RXFP2: variants seen among roughly 807,000 people sequenced by gnomAD.
RXFP2 encodes relaxin family peptide receptor 2.
RXFP2 carries 68 observed loss-of-function variants against 88.6 expected under a neutral mutation model. The ratio of observed to expected loss-of-function variants is 0.77; its 90% CI spans 0.63 to 0.94. The LOEUF (loss-of-function observed/expected upper bound fraction) is 0.94, where lower values mean the gene tolerates loss of function less well. RXFP2 is among the 40% of genes least tolerant of loss of function. The probability of loss-of-function intolerance (pLI) is 0.00; values close to 1 mark genes in which losing one functional copy is unlikely to be tolerated. For missense variants in RXFP2, 791 were observed against 893.9 expected (o/e 0.88, Z 1.47); for synonymous variants, 329 against 306.8 (o/e 1.07, Z -0.76).
intron 11 of RXFP2, among the ~76,000 whole-genome samples, chr13:31,785,717 C>A (rs1487603222): frequency 1.3e-5 from 2 of 152,042 alleles, no homozygotes; most frequent in Non-Finnish European, 2.9e-5. Context: ...AACATCTTCT[C>A]TGGCTCAGAA....
At chr13:31,743,446 C>T (rs906787256) in intron 1 of RXFP2, among the ~76,000 whole-genome samples, 5 of 150,116 alleles carry the variant, frequency 3.3e-5, no homozygotes, top group African/African-American at 4.9e-5. Context: ...CCAGCCTGGG[C>T]GACAGAGCGA....
chr13:31,764,272 C>CAA (rs1294571772), intron 3 of RXFP2, among the ~76,000 whole-genome samples: 1 of 150,656 alleles, frequency 6.6e-6, no homozygotes, highest in Non-Finnish European at 1.5e-5. Flanking sequence ...CACACACACA[C>CAA]ACACACACAC....
At chr13:31,796,666 T>C (rs181605385) in intron 16 of RXFP2, among the ~76,000 whole-genome samples, 1 of 152,346 alleles carries the variant, frequency 6.6e-6, no homozygotes, top group Admixed American at 6.5e-5. Flanking sequence ...TTTCATCTGG[T>C]GAACCCAATT....
chr13:31,760,149 C>CGT (rs1872236535), intron 2 of RXFP2, among the ~76,000 whole-genome samples: 1 of 152,068 alleles, frequency 6.6e-6, no homozygotes, highest in African/African-American at 2.4e-5. Context: ...AGTTCAATGG[C>CGT]GTGATCTCAG....
At chr13:31,782,566 A>C in intron 10 of RXFP2, 110 bp from the exon 11 acceptor site, 1 of 807,392 alleles carries the variant, frequency 1.2e-6, no homozygotes, top group Admixed American at 1.8e-5. Flanking sequence ...TCCCTTGAAG[A>C]CTTCAAAGGA....
At chr13:31,789,030 T>C (rs1873675384) in intron 13 of RXFP2, 92 bp from the exon 14 acceptor site, 1 of 822,736 alleles carries the variant, frequency 1.2e-6, no homozygotes, top group African/African-American at 1.7e-5. Flanking sequence ...TAACATAAGA[T>C]CTTGAAGCAT....
In RXFP2 at chr13:31,786,724, C is replaced by G. The variant is rs937014118; in HGVS notation, c.1073+87C>G. On this transcript the variant is annotated intron_variant, in intron 13 of 17. Coordinates refer to ENST00000298386, the MANE Select transcript of RXFP2 (RefSeq NM_130806.5). The stretch of plus-strand genomic sequence containing the variant: ...TATTTTTAAATGGGTATTTTGCACA[C>G]AGGAGCATGCATTTCAGACAACTGT... The G allele has an allele frequency of 5.0e-6, 4 of 800,232 alleles. No homozygotes were observed. The Admixed American group carries it at 6.0e-5, about 12-fold the overall frequency. The allele number at this position is 800,232 out of a possible 1,614,324, so 49.6% of individuals were successfully genotyped here.
chr13:31,766,288 C>T (rs1477641393), intron 5 of RXFP2, among the ~76,000 whole-genome samples: 1 of 151,848 alleles, frequency 6.6e-6, no homozygotes, highest in Non-Finnish European at 1.5e-5. Flanking sequence ...GGAAAATACA[C>T]AGTTCCATTA....
At chr13:31,799,315 G>A (rs1013565965) in intron 17 of RXFP2, among the ~76,000 whole-genome samples, 6 of 151,980 alleles carry the variant, frequency 3.9e-5, no homozygotes, top group South Asian at 4.1e-4. Context: ...TGGTTCAAGC[G>A]ATTCTCATGC....
intron 1 of RXFP2, among the ~76,000 whole-genome samples, chr13:31,754,333 C>A (rs888003814): frequency 3.5e-4 from 54 of 152,244 alleles, no homozygotes; most frequent in Middle Eastern, 3.4e-3. Flanking sequence ...GAGTTTGAGA[C>A]CAGCCTGACC....
chr13:31,777,428 T>A lies in RXFP2; in HGVS notation c.694T>A (p.Leu232Ile). ...AATTTCACAGCGCTTGTTTACGGGA[T>A]TAAATTCCTTGTTTTTCCTGTAAGT... ...TRISQRLFTG[L>I]NSLFFLSMVN... Residue 232 changes from leucine to isoleucine, a missense_variant, in exon 8 of 18, where the codon TTA becomes ATA. Coordinates refer to ENST00000298386, the MANE Select transcript of RXFP2 (RefSeq NM_130806.5). 1 of 1,610,808 alleles carries A rather than the reference T, an allele frequency of 6.2e-7. No homozygotes were observed. The highest frequency in any genetic ancestry group is 8.5e-7 in the Non-Finnish European group (1 of 1,177,602).
At position 31,781,731 on chromosome 13, in the gene RXFP2, G is replaced by A. The variant is rs761476587; in HGVS notation, c.846G>A (p.Ser282=). The change falls in exon 10 of 18, where the codon TCG becomes TCA. Residue 282 remains serine, a synonymous_variant. Coordinates refer to ENST00000298386, the MANE Select transcript of RXFP2 (RefSeq NM_130806.5). ...ATTCTACGTTTCTGTCGTGCGATTCGCTCACAGTGCTGTAAGTATACAATG... is the reference window on the plus strand; with the variant it reads ...ATTCTACGTTTCTGTCGTGCGATTCACTCACAGTGCTGTAAGTATACAATG... ...LTNSTFLSCD[S]LTVLFLPRNQ... The A allele has an allele frequency of 4.4e-6, 7 of 1,608,390 alleles. No homozygotes were observed. The highest frequency in any genetic ancestry group is 1.1e-5 in the South Asian group (1 of 90,874).
chr13:31,786,663 G>C, intron 13 of RXFP2, 26 bp downstream of exon 13: 1 of 1,369,984 alleles, frequency 7.3e-7, no homozygotes, highest in Non-Finnish European at 1.0e-6. Flanking sequence ...CAATTATATT[G>C]ATTATAATTT....
intron 16 of RXFP2, among the ~76,000 whole-genome samples, chr13:31,794,364 C>G (rs1873926708): frequency 1.1e-5 from 1 of 92,662 alleles, no homozygotes; most frequent in Non-Finnish European, 2.1e-5. Flanking sequence ...CCCTGAAACA[C>G]ACACCACACA....
chr13:31,766,677 C>A (rs1442163165), intron 5 of RXFP2, among the ~76,000 whole-genome samples: 1 of 152,124 alleles, frequency 6.6e-6, no homozygotes, highest in Admixed American at 6.6e-5. Context: ...CATGAACAAT[C>A]CCTTTGCTTT....
Position 31,802,388 on chromosome 13 carries a change from A to C in RXFP2, c.2248A>C (p.Met750Leu). 1 of 1,614,104 alleles carries C rather than the reference A, an allele frequency of 6.2e-7. No individual in the cohort carries two copies. The highest frequency in any genetic ancestry group is 1.1e-5 in the South Asian group (1 of 91,084). ...LNKITLGDSI[M>L]KPVS The stretch of plus-strand genomic sequence containing the variant: ...CAAAATAACACTTGGAGACAGTATA[A>C]TGAAACCAGTTTCCTAGCAATCATT... The change falls in exon 18 of 18, where the codon ATG becomes CTG. Residue 750 changes from methionine to leucine, a missense_variant. Transcript: ENST00000298386.
At chr13:31,746,261 G>A (rs954082801) in intron 1 of RXFP2, among the ~76,000 whole-genome samples, 2 of 152,052 alleles carry the variant, frequency 1.3e-5, no homozygotes, top group African/African-American at 4.8e-5. Context: ...ATATACATGG[G>A]CTTTTTTTTC....
chr13:31,783,634 C>A (rs928099298), intron 11 of RXFP2, among the ~76,000 whole-genome samples: 12 of 152,150 alleles, frequency 7.9e-5, no homozygotes, highest in African/African-American at 2.9e-4. Context: ...CAAGGTACTG[C>A]ATTAGAACTG....
rs370220066 is a variant in RXFP2 at position 31,758,707 on chromosome 13, C to T, written c.241+303C>T. Among the ~76,000 whole-genome samples the T allele has an allele frequency of 1.4e-3, 218 of 152,150 alleles. 1 individual carries two copies. The highest frequency in any genetic ancestry group is 4.8e-3 in the African/African-American group (200 of 41,532). ...AATTATAAGCAGTTTTCTATGAATA[C>T]CTCCTTATGGCTGGTAATTTGGTTC... is the stretch of plus-strand genomic sequence containing the variant. On this transcript the variant is annotated intron_variant, in intron 2 of 17. Coordinates refer to ENST00000298386, the MANE Select transcript of RXFP2 (RefSeq NM_130806.5).
Sources: allele counts gnomAD v4.1 joint callset (sites outside exome capture counted in the v4.1 genomes callset), GRCh38; gene constraint gnomAD v4.1.1; transcripts MANE v1.5; gene names NCBI Gene and HGNC (gene_info 2026-07-23, HGNC 2026-07-21).